Variants in GARRE1 observed in about 807,000 individuals in gnomAD.
The protein encoded by GARRE1 is granule associated Rac and RHOG effector protein 1.
GARRE1 carries 49 observed loss-of-function variants against 103.2 expected under a neutral mutation model. The observed-to-expected ratio is 0.47, with a 90% confidence interval of 0.38 to 0.60. The LOEUF (loss-of-function observed/expected upper bound fraction) is 0.60. Ranked by LOEUF, GARRE1 falls within the 20% of genes least tolerant of loss-of-function variation. GARRE1 has a pLI of 0.00. For synonymous variants in GARRE1, 505 were observed against 532.8 expected (o/e 0.95, Z 0.72); for missense variants, 1,199 against 1,370.5 (o/e 0.87, Z 1.98).
intron 1 of GARRE1, among the ~76,000 whole-genome samples, chr19:34,286,197 C>T (rs919026230): frequency 2.0e-5 from 3 of 148,344 alleles, no homozygotes; most frequent in Admixed American, 7.0e-5. Context: ...TTATTTATCA[C>T]TTTGGAAGGG....
rs1193675304 is a variant in GARRE1, at chr19:34,300,832, T to G, written c.359T>G (p.Val120Gly). 6.2e-7 allele frequency: 1 copy of G among 1,614,192 alleles called. No homozygotes were observed. Among genetic ancestry groups the G allele is most frequent in the East Asian group, 2.2e-5 (1 of 44,884 alleles). Residue 120 changes from valine to glycine, a missense_variant, in exon 2 of 14, where the codon GTG becomes GGG. Transcript: ENST00000299505. ...YSKAATQLKD[V>G]QEHVMEAASR... ...AAGGCAGCCACACAGCTCAAAGATG[T>G]GCAGGAGCATGTCATGGAAGCAGCC...
chr19:34,352,865 A>G lies in GARRE1; in HGVS notation c.3123A>G (p.Pro1041=), dbSNP rs1408158701. The G allele has an allele frequency of 9.4e-7, 1 of 1,058,740 alleles. No individual in the cohort carries two copies. The highest frequency in any genetic ancestry group is 1.3e-5 in the South Asian group (1 of 74,420). The allele number at this position is 1,058,740 out of a possible 1,614,324, so 65.6% of individuals were successfully genotyped here. A position where few individuals can be genotyped will look rare whatever the true frequency, so the allele number is the denominator to read the frequency against. ...FSYVQTPPQP[P]PPPAHKAAPK... is the part of the protein sequence containing the mutation. ...ATGTGCAGACCCCACCCCAGCCCCC[A>G]CCCCCACCAGCACACAAGGCAGCAC... The change falls in exon 14 of 14, where the codon CCA becomes CCG. Residue 1041 remains proline, a synonymous_variant. Coordinates refer to ENST00000299505, the MANE Select transcript of GARRE1 (RefSeq NM_014686.5).
chr19:34,332,638 T>C (rs2145271705), intron 7 of GARRE1, among the ~76,000 whole-genome samples: 1 of 152,300 alleles, frequency 6.6e-6, no homozygotes, highest in South Asian at 2.1e-4. Flanking sequence ...CAAAGGTCAT[T>C]GCAGATCAGC....
At position 34,342,084 on chromosome 19, in the gene GARRE1, T is replaced by C. The variant is rs202059693; in HGVS notation, c.2150T>C (p.Leu717Pro). 13 of 1,614,114 alleles carry C rather than the reference T, an allele frequency of 8.1e-6. No homozygotes were observed. The highest frequency in any genetic ancestry group is 1.1e-5 in the Non-Finnish European group (13 of 1,180,026). ...ACACCTCTGACACCCCAGCCGGGACTGGCACCTCAGCAGCAGTCCCCAAAG... is the reference window on the plus strand; with the variant it reads ...ACACCTCTGACACCCCAGCCGGGACCGGCACCTCAGCAGCAGTCCCCAAAG... Reference protein sequence around the residue: ...AHTPLTPQPGLAPQQQSPKQQ... With the variant: ...AHTPLTPQPGPAPQQQSPKQQ... The change falls in exon 10 of 14, where the codon CTG (leucine) becomes CCG (proline). Residue 717 changes from leucine (L) to proline (P), a missense_variant. Coordinates refer to ENST00000299505, the MANE Select transcript of GARRE1 (RefSeq NM_014686.5).
chr19:34,351,205 A>AT (rs1467683027), intron 12 of GARRE1, among the ~76,000 whole-genome samples: 107 of 120,702 alleles, frequency 8.9e-4, no homozygotes, highest in Non-Finnish European at 1.3e-3. Context: ...TCAAAAAAAA[A>AT]AAAAAAAATA....
intron 1 of GARRE1, among the ~76,000 whole-genome samples, chr19:34,275,949 G>T (rs558850035): frequency 6.6e-6 from 1 of 152,136 alleles, no homozygotes; most frequent in African/African-American, 2.4e-5. Flanking sequence ...TTGTGATTTT[G>T]ATTTGCATTT....
intron 1 of GARRE1, among the ~76,000 whole-genome samples, chr19:34,259,439 C>G (rs900021387): frequency 6.6e-6 from 1 of 152,184 alleles, no homozygotes; most frequent in Non-Finnish European, 1.5e-5. Context: ...TATGGAGTAC[C>G]TACAGTACAG....
intron 3 of GARRE1, among the ~76,000 whole-genome samples, chr19:34,320,562 T>G (rs1296760670): frequency 6.6e-6 from 1 of 152,064 alleles, no homozygotes; most frequent in Non-Finnish European, 1.5e-5. Context: ...GCAGGAGTGT[T>G]TGGCAGACGG....
intron 2 of GARRE1, among the ~76,000 whole-genome samples, chr19:34,310,785 T>C (rs1039418203): frequency 6.6e-6 from 1 of 152,006 alleles, no homozygotes; most frequent in Non-Finnish European, 1.5e-5. Context: ...CGGCAAAACT[T>C]TCAACTGCTC....
intron 1 of GARRE1, among the ~76,000 whole-genome samples, chr19:34,277,846 G>T (rs2073825950): frequency 6.6e-6 from 1 of 150,778 alleles, no homozygotes. Context: ...TTCCTAAATG[G>T]AGTATTCAAA....
intron 3 of GARRE1, among the ~76,000 whole-genome samples, chr19:34,321,223 A>ATTTTTT (rs71165648): frequency 1.4e-4 from 11 of 77,376 alleles, no homozygotes; most frequent in Admixed American, 3.6e-4. Flanking sequence ...AGCCCGGCTA[A>ATTTTTT]TTTTTTTTTT....
chr19:34,302,283 C>T (rs546789812), intron 2 of GARRE1, among the ~76,000 whole-genome samples: 6 of 142,326 alleles, frequency 4.2e-5, no homozygotes, highest in African/African-American at 7.8e-5. Flanking sequence ...GGAGCCACCG[C>T]GCCCAGCCGT....
At chr19:34,348,288 C>G (rs1031663835) in intron 11 of GARRE1, 6 of 343,964 alleles carry the variant, frequency 1.7e-5, no homozygotes, top group African/African-American at 1.3e-4. Flanking sequence ...ATTTTCAAAA[C>G]AGACTCTTCA....
Position 34,258,747 on chromosome 19 carries a change from G to A in GARRE1, c.-796+4133G>A, listed in dbSNP as rs141818151. On this transcript the variant is annotated intron_variant, in intron 1 of 13. Transcript: ENST00000299505. ...GGAGCTTGCAGTGAGCTGAGATCGT[G>A]CCACTGCACTCCAGCCTGGGCGACA... Among the ~76,000 whole-genome samples the A allele has an allele frequency of 2.4e-3, 369 of 151,868 alleles. 2 individuals are homozygous for A. The highest frequency in any genetic ancestry group is 8.8e-3 in the African/African-American group (366 of 41,478).
intron 8 of GARRE1, among the ~76,000 whole-genome samples, chr19:34,334,915 G>A (rs527664656): frequency 3.9e-5 from 6 of 152,004 alleles, no homozygotes; most frequent in South Asian, 2.1e-4. Context: ...TTAGCCGGGC[G>A]TGGTGGCATG....
chr19:34,283,976 C>T (rs1323877238), intron 1 of GARRE1, among the ~76,000 whole-genome samples: 12 of 151,214 alleles, frequency 7.9e-5, no homozygotes, highest in Admixed American at 1.3e-4. Flanking sequence ...GGACTACAGG[C>T]GCCCGCCACC....
Position 34,350,222 on chromosome 19 carries a change from C to T in GARRE1, c.2825+1069C>T, listed in dbSNP as rs10416832. The stretch of plus-strand genomic sequence containing the variant: ...AGAGCTGAACAAAGTGCGGCAGCAA[C>T]TGGTGGGGAATCGGCAGTGGGGTGT... On this transcript the variant is annotated intron_variant, in intron 12 of 13. Transcript: ENST00000299505. Among the ~76,000 whole-genome samples the T allele has an allele frequency of 3.0e-3, 455 of 152,214 alleles. 1 individual carries two copies. The highest frequency in any genetic ancestry group is 0.01 in the Middle Eastern group (3 of 294).
intron 1 of GARRE1, among the ~76,000 whole-genome samples, chr19:34,298,931 A>G (rs2073962284): frequency 6.6e-6 from 1 of 152,190 alleles, no homozygotes; most frequent in Non-Finnish European, 1.5e-5. Flanking sequence ...GGTTCTAAGA[A>G]GCCACCCAAG....
chr19:34,296,534 C>T, intron 1 of GARRE1: 1 of 1,595,596 alleles, frequency 6.3e-7, no homozygotes, highest in Admixed American at 1.7e-5. Context: ...CCTTGATAGC[C>T]TCGGCACGTG....
Sources: gnomAD v4.1 joint callset for allele counts (sites outside exome capture counted in the v4.1 genomes callset) on GRCh38, gnomAD v4.1.1 for gene constraint, MANE v1.5 for transcripts, NCBI Gene and HGNC (gene_info 2026-07-23, HGNC 2026-07-21) for gene names.